NCALD: variants seen among roughly 807,000 people sequenced by gnomAD.
NCALD encodes the protein neurocalcin-delta.
Under a neutral mutation model 18.6 loss-of-function variants are expected in NCALD, and 10 were observed. The observed-to-expected ratio is 0.54, with a 90% CI of 0.33 to 0.91. The LOEUF is 0.91. Ranked by LOEUF, NCALD falls within the 40% of genes least tolerant of loss-of-function variation. The pLI is 0.03. For synonymous variants in NCALD, 88 were observed against 87.4 expected, an observed-to-expected ratio of 1.01 and a Z score of -0.04; for missense variants, 184 against 247.6, an observed-to-expected ratio of 0.74 and a Z score of 1.72.
intron 4 of NCALD, among the ~76,000 whole-genome samples, chr8:101,839,496 T>G (rs916295350): frequency 3.3e-5 from 5 of 151,926 alleles, no homozygotes; most frequent in African/African-American, 1.2e-4. Flanking sequence ...TCTGCCAAGG[T>G]GCAAAGGGTG....
intron 1 of NCALD, among the ~76,000 whole-genome samples, chr8:102,054,171 G>A (rs1233910806): frequency 1.3e-5 from 2 of 152,142 alleles, no homozygotes; most frequent in Non-Finnish European, 2.9e-5. Context: ...TGCTTACCAT[G>A]TGCAAGCCAT....
chr8:102,111,412 ATGTGTGTGTG>A (rs57126471), intron 1 of NCALD, among the ~76,000 whole-genome samples: 6 of 147,656 alleles, frequency 4.1e-5, no homozygotes, highest in African/African-American at 1.3e-4. Flanking sequence ...GTCTAAAGAG[ATGTGTGTGTG>A]TGTGTGTGTG....
chr8:102,000,913 A>G (rs1189930750), intron 2 of NCALD, among the ~76,000 whole-genome samples: 1 of 152,234 alleles, frequency 6.6e-6, no homozygotes, highest in African/African-American at 2.4e-5. Context: ...AGACAAAACC[A>G]CAAAGATGGG....
At chr8:101,851,096 A>G (rs1815074658) in intron 4 of NCALD, among the ~76,000 whole-genome samples, 1 of 152,246 alleles carries the variant, frequency 6.6e-6, no homozygotes, top group African/African-American at 2.4e-5. Flanking sequence ...TGAAATATAA[A>G]GCATTTCCTA....
intron 3 of NCALD, among the ~76,000 whole-genome samples, chr8:101,907,297 A>C (rs1175392701): frequency 6.6e-6 from 1 of 152,130 alleles, no homozygotes; most frequent in African/African-American, 2.4e-5. Context: ...CTTTGGACTA[A>C]ATCTTTCCTC....
intron 1 of NCALD, among the ~76,000 whole-genome samples, chr8:101,763,655 C>G (rs1390748506): frequency 6.6e-6 from 1 of 152,010 alleles, no homozygotes; most frequent in Non-Finnish European, 1.5e-5. Flanking sequence ...AGTTGTCTTT[C>G]CTAATGTGAG....
intron 2 of NCALD, among the ~76,000 whole-genome samples, chr8:101,978,837 G>A (rs1248285521): frequency 6.6e-6 from 1 of 152,182 alleles, no homozygotes; most frequent in Non-Finnish European, 1.5e-5. Context: ...AGAAAGGAAG[G>A]CAGGCAAGCT....
At chr8:101,927,503 A>G (rs996663266) in intron 2 of NCALD, among the ~76,000 whole-genome samples, 1 of 152,164 alleles carries the variant, frequency 6.6e-6, no homozygotes, top group African/African-American at 2.4e-5. Context: ...AAGGGTAAGG[A>G]GGAGCCAACC....
intron 4 of NCALD, among the ~76,000 whole-genome samples, chr8:101,833,029 G>T (rs928656178): frequency 6.6e-6 from 1 of 152,194 alleles, no homozygotes; most frequent in Non-Finnish European, 1.5e-5. Flanking sequence ...AGCCACACCC[G>T]GAGCCTGGAT....
chr8:102,122,869 T>C (rs1825982082), intron 1 of NCALD, among the ~76,000 whole-genome samples: 1 of 152,234 alleles, frequency 6.6e-6, no homozygotes, highest in African/African-American at 2.4e-5. Context: ...GACTGGACAC[T>C]GAATGGTTGA....
At chr8:101,902,014 C>G (rs1048245405) in intron 3 of NCALD, among the ~76,000 whole-genome samples, 12 of 152,188 alleles carry the variant, frequency 7.9e-5, no homozygotes, top group African/African-American at 2.7e-4. Context: ...TGGTCTCGAA[C>G]TCCTGACCTC....
At chr8:101,994,887 C>A (rs1399040036) in intron 2 of NCALD, among the ~76,000 whole-genome samples, 1 of 152,198 alleles carries the variant, frequency 6.6e-6, no homozygotes, top group Non-Finnish European at 1.5e-5. Flanking sequence ...GCCCATCTAA[C>A]TTTTTTTGCA....
chr8:101,798,066 T>G (rs573574083), intron 4 of NCALD, among the ~76,000 whole-genome samples: 1 of 152,150 alleles, frequency 6.6e-6, no homozygotes, highest in South Asian at 2.1e-4. Context: ...TACTTAATAG[T>G]GAGAGTAAAT....
chr8:102,067,292 C>T (rs981232680), intron 1 of NCALD, among the ~76,000 whole-genome samples: 1 of 152,230 alleles, frequency 6.6e-6, no homozygotes. Flanking sequence ...CATTTTAAAA[C>T]AACAACTGAA....
upstream of NCALD, among the ~76,000 whole-genome samples, chr8:101,793,955 T>A (rs1013913475): frequency 6.6e-6 from 1 of 152,168 alleles, no homozygotes; most frequent in Non-Finnish European, 1.5e-5. Context: ...TGTTTGTACA[T>A]AGGGATGTTG....
chr8:101,929,285 GA>G, intron 2 of NCALD, among the ~76,000 whole-genome samples: 1 of 42,388 alleles, frequency 2.4e-5, no homozygotes, highest in Non-Finnish European at 4.7e-5. Context: ...GGGAGGGAGG[GA>G]GGGAGGGAGG....
At chr8:102,073,008 A>G (rs764899747) in intron 1 of NCALD, among the ~76,000 whole-genome samples, 3 of 152,266 alleles carry the variant, frequency 2.0e-5, no homozygotes, top group Non-Finnish European at 4.4e-5. Context: ...TATCATGTAC[A>G]TAATAAAAAG....
chr8:101,908,512 G>A (rs1817685778), intron 3 of NCALD, among the ~76,000 whole-genome samples: 1 of 152,150 alleles, frequency 6.6e-6, no homozygotes, highest in Admixed American at 6.5e-5. Context: ...GTTCTTGCAT[G>A]CAGTAAAAAT....
chr8:101,802,204 T>C (rs531645962), intron 4 of NCALD, among the ~76,000 whole-genome samples: 2 of 152,302 alleles, frequency 1.3e-5, no homozygotes, highest in East Asian at 3.9e-4. Flanking sequence ...ACGTTACTTT[T>C]GTAATTGCTT....
Sources: gnomAD v4.1 joint callset for allele counts (sites outside exome capture counted in the v4.1 genomes callset) on GRCh38, gnomAD v4.1.1 for gene constraint, MANE v1.5 for transcripts, NCBI Gene and HGNC (gene_info 2026-07-23, HGNC 2026-07-21) for gene names.